TMEM74: variants seen among roughly 807,000 people sequenced by gnomAD.
TMEM74 encodes transmembrane protein 74.
Under a neutral mutation model 18.1 loss-of-function variants are expected in TMEM74, and 13 were observed. The observed-to-expected ratio is 0.72, with a 90% CI of 0.47 to 1.14. The LOEUF (loss-of-function observed/expected upper bound fraction) is 1.14. Ranked by LOEUF, TMEM74 falls within the 50% of genes most tolerant of loss-of-function variation. TMEM74 has a pLI of 0.00. For synonymous variants in TMEM74, 159 were observed against 146.6 expected (o/e 1.08, Z -0.61); for missense variants, 372 against 375.9 (o/e 0.99, Z 0.09).
At chr8:108,706,776 G>GGTGT (rs3049749) in intron 1 of TMEM74, among the ~76,000 whole-genome samples, 28,505 of 144,766 alleles carry the variant, frequency 0.2, 2,821 homozygotes, top group African/African-American at 0.23. Flanking sequence ...AATTACAAGG[G>GGTGT]GTGTGTGTGT....
intron 1 of TMEM74, among the ~76,000 whole-genome samples, chr8:108,740,468 G>T (rs1041629665): frequency 1.8e-4 from 27 of 152,276 alleles, no homozygotes; most frequent in African/African-American, 5.3e-4. Context: ...ATACCAGAAA[G>T]GGTGATTTAC....
intron 1 of TMEM74, among the ~76,000 whole-genome samples, chr8:108,670,298 A>G (rs186164438): frequency 4.3e-4 from 66 of 152,334 alleles, no homozygotes; most frequent in African/African-American, 1.4e-3. Flanking sequence ...TTTTTACTTC[A>G]GAACATTGAG....
chr8:108,687,110 T>C (rs1813177600), intron 1 of TMEM74, among the ~76,000 whole-genome samples: 1 of 152,100 alleles, frequency 6.6e-6, no homozygotes, highest in African/African-American at 2.4e-5. Context: ...TCTCCATTTG[T>C]GCTAAAAAAT....
At chr8:108,652,563 G>T (rs1051752580) in intron 2 of TMEM74, 24 of 576,864 alleles carry the variant, frequency 4.2e-5, no homozygotes, top group Non-Finnish European at 6.5e-5. Flanking sequence ...GGTTTTCTGG[G>T]TATCATAAGA....
intron 1 of TMEM74, among the ~76,000 whole-genome samples, chr8:108,665,686 G>T (rs745637243): frequency 1.3e-5 from 2 of 152,134 alleles, no homozygotes; most frequent in Non-Finnish European, 2.9e-5. Flanking sequence ...GTGCAGACTG[G>T]AGTCAAGATG....
At chr8:108,620,997 C>A (rs1027960253) in intron 2 of TMEM74, among the ~76,000 whole-genome samples, 3 of 152,042 alleles carry the variant, frequency 2.0e-5, no homozygotes, top group Admixed American at 1.3e-4. Context: ...GATGCCTGGT[C>A]CTTGGTGATC....
At chr8:108,655,305 A>G (rs1812810729) in exon 2 of TMEM74, 1 of 152,126 alleles carries the variant, frequency 6.6e-6, no homozygotes, top group African/African-American at 2.4e-5. Context: ...TTTAACATCA[A>G]TGTCTTGACC....
intron 2 of TMEM74, among the ~76,000 whole-genome samples, chr8:108,611,313 G>A (rs1034314485): frequency 2.0e-5 from 3 of 152,096 alleles, no homozygotes; most frequent in Non-Finnish European, 4.4e-5. Flanking sequence ...GACTTTATAG[G>A]AGACATTAAG....
chr8:108,706,940 T>C (rs73307843), intron 1 of TMEM74, among the ~76,000 whole-genome samples: 145 of 152,246 alleles, frequency 9.5e-4, no homozygotes, highest in African/African-American at 3.4e-3. Flanking sequence ...CTAGAGGCTT[T>C]GGACAGCCAT....
intron 1 of TMEM74, among the ~76,000 whole-genome samples, chr8:108,721,016 G>A (rs184942781): frequency 9.9e-5 from 15 of 152,224 alleles, no homozygotes; most frequent in Admixed American, 5.2e-4. Context: ...TGATCCGCCC[G>A]CCTCGACCTC....
At chr8:108,701,478 CATCTGATTTAACAAA>C (rs1165678629) in intron 1 of TMEM74, among the ~76,000 whole-genome samples, 2 of 152,108 alleles carry the variant, frequency 1.3e-5, no homozygotes, top group African/African-American at 4.8e-5. Context: ...CATGATTGTC[CATCTGATTTAACAAA>C]ATCTGATTTA....
At chr8:108,777,785 A>G (rs189091704), downstream of TMEM74, among the ~76,000 whole-genome samples, 242 of 152,296 alleles carry the variant, frequency 1.6e-3, 2 homozygotes, top group South Asian at 4.1e-3. Context: ...TAAAATGCAG[A>G]TAACACTTGC....
chr8:108,654,825 A>G (rs1156547540), intron 2 of TMEM74, among the ~76,000 whole-genome samples: 1 of 151,832 alleles, frequency 6.6e-6, no homozygotes, highest in African/African-American at 2.4e-5. Flanking sequence ...GATGCCTTTG[A>G]TAAAGTTCCT....
chr8:108,679,797 G>C (rs914452245), intron 1 of TMEM74, among the ~76,000 whole-genome samples: 3 of 152,076 alleles, frequency 2.0e-5, no homozygotes, highest in African/African-American at 4.8e-5. Context: ...ATTGCTTTTG[G>C]TGTTTTAGAC....
chr8:108,740,065 G>A (rs1230134332), intron 1 of TMEM74, among the ~76,000 whole-genome samples: 4 of 152,102 alleles, frequency 2.6e-5, no homozygotes, highest in Admixed American at 6.6e-5. Context: ...GCATTTATAA[G>A]GTACATGTTC....
At chr8:108,741,350 G>A (rs1813798129) in intron 1 of TMEM74, among the ~76,000 whole-genome samples, 2 of 152,120 alleles carry the variant, frequency 1.3e-5, no homozygotes, top group African/African-American at 4.8e-5. Context: ...TCACACACAT[G>A]TCACAATTCT....
intron 2 of TMEM74, among the ~76,000 whole-genome samples, chr8:108,609,142 A>T (rs1812308854): frequency 6.6e-6 from 1 of 152,192 alleles, no homozygotes; most frequent in East Asian, 1.9e-4. Context: ...TATACAGATA[A>T]ATCCTTCTGA....
intron 1 of TMEM74, among the ~76,000 whole-genome samples, chr8:108,708,517 C>T (rs553821581): frequency 6.6e-6 from 1 of 152,176 alleles, no homozygotes; most frequent in South Asian, 2.1e-4. Flanking sequence ...TCCGCAGCCT[C>T]ACCAGAATCT....
chr8:108,640,649 G>GA (rs1031243878), intron 2 of TMEM74, among the ~76,000 whole-genome samples: 1 of 150,660 alleles, frequency 6.6e-6, no homozygotes, highest in Admixed American at 6.6e-5. Context: ...TTTTTTTTTG[G>GA]AAAAAAAATC....
Sources: gnomAD v4.1 joint callset for allele counts (sites outside exome capture counted in the v4.1 genomes callset) on GRCh38, gnomAD v4.1.1 for gene constraint, MANE v1.5 for transcripts, NCBI Gene and HGNC (gene_info 2026-07-23, HGNC 2026-07-21) for gene names.